The following RORA variants were observed in gnomAD, a reference collection of about 807,000 sequenced individuals.
The protein encoded by RORA is RAR related orphan receptor A.
In RORA, 7 loss-of-function variants were observed where a neutral mutation model predicts 69.5. The ratio of observed to expected loss-of-function variants is 0.10; its 90% confidence interval spans 0.06 to 0.19. RORA has a LOEUF of 0.19. RORA is among the 10% of genes least tolerant of loss of function. The probability of loss-of-function intolerance (pLI) is 1.00; values close to 1 mark genes in which losing one functional copy is unlikely to be tolerated. For synonymous variants in RORA, 261 were observed against 240.8 expected, an observed-to-expected ratio of 1.08 and a Z score of -0.78; for missense variants, 457 against 663.0, an observed-to-expected ratio of 0.69 and a Z score of 3.41.
At chr15:60,965,937 A>G (rs1435736393) in intron 1 of RORA, among the ~76,000 whole-genome samples, 1 of 152,204 alleles carries the variant, frequency 6.6e-6, no homozygotes, top group Non-Finnish European at 1.5e-5. Flanking sequence ...AGGCTACCGT[A>G]ATAGAGTATG....
chr15:60,511,896 C>T lies in RORA; in HGVS notation c.425-275G>A. ...CCAGAGAGATGCCACTTCTGTTTCCCTGCTGTCACATCCCCCGTTTCCACT... is the reference window on the plus strand; with the variant it reads ...CCAGAGAGATGCCACTTCTGTTTCCTTGCTGTCACATCCCCCGTTTCCACT... On this transcript the variant is annotated intron_variant, in intron 4 of 10. Transcript: ENST00000335670. The surrounding 1 kb of genome is among the most constrained non-coding windows in gnomAD (Gnocchi z 6.4). The T allele has an allele frequency of 2.7e-6, 1 of 373,992 alleles. No homozygotes were observed. Among genetic ancestry groups the T allele is most frequent in the Non-Finnish European group, 4.9e-6 (1 of 205,296 alleles). The allele number at this position is 373,992 out of a possible 1,614,324, so 23.2% of individuals were successfully genotyped here.
At chr15:60,769,071 C>T (rs1346928482) in intron 1 of RORA, among the ~76,000 whole-genome samples, 2 of 152,124 alleles carry the variant, frequency 1.3e-5, no homozygotes, top group Admixed American at 1.3e-4. Context: ...ACGCTAGCGA[C>T]CACATTTTAG....
At chr15:60,661,559 C>T (rs897389692) in intron 2 of RORA, among the ~76,000 whole-genome samples, 4 of 152,152 alleles carry the variant, frequency 2.6e-5, no homozygotes, top group East Asian at 1.9e-4. Context: ...ACCATGGAAA[C>T]TTTGAGACCA....
At chr15:60,925,496 G>T (rs1201172465) in intron 1 of RORA, among the ~76,000 whole-genome samples, 1 of 152,178 alleles carries the variant, frequency 6.6e-6, no homozygotes, top group East Asian at 1.9e-4. Flanking sequence ...ACAATACATT[G>T]TCTGTAGGCC....
At chr15:60,967,370 T>G (rs1893584089) in intron 1 of RORA, among the ~76,000 whole-genome samples, 1 of 152,158 alleles carries the variant, frequency 6.6e-6, no homozygotes, top group African/African-American at 2.4e-5. Flanking sequence ...ACAGAGAATT[T>G]GAATTGGGAA....
chr15:60,844,132 C>A (rs1054789585), intron 1 of RORA, among the ~76,000 whole-genome samples: 1 of 152,160 alleles, frequency 6.6e-6, no homozygotes, highest in African/African-American at 2.4e-5. Flanking sequence ...CTAGTCCCCT[C>A]ACTTGTCTTC....
In RORA at chr15:61,226,782, G is replaced by A. The variant is rs1183466184; in HGVS notation, c.166+2271C>T. On this transcript the variant is annotated intron_variant, in intron 1 of 10. Coordinates refer to ENST00000335670, the MANE Select transcript of RORA (RefSeq NM_134261.3). The surrounding 1 kb of genome is among the most constrained non-coding windows in gnomAD (Gnocchi z 4.2). Reference sequence around the variant, plus strand: ...TATATAACCTAGTGCCTGCGTGCAGGATGTGAGTTGAGTGTTTGGGCCTTA... The same window carrying A: ...TATATAACCTAGTGCCTGCGTGCAGAATGTGAGTTGAGTGTTTGGGCCTTA... Among the ~76,000 whole-genome samples, 1 of 150,756 alleles carries A rather than the reference G, an allele frequency of 6.6e-6. No individual in the cohort carries two copies. The highest frequency in any genetic ancestry group is 1.5e-5 in the Non-Finnish European group (1 of 67,680).
chr15:60,579,768 C>G (rs1849000676), intron 2 of RORA, among the ~76,000 whole-genome samples: 2 of 152,078 alleles, frequency 1.3e-5, no homozygotes. Flanking sequence ...CAAATTAATG[C>G]TCCCCTAAAG....
intron 2 of RORA, among the ~76,000 whole-genome samples, chr15:60,633,351 T>C (rs1352478619): frequency 6.6e-6 from 1 of 152,368 alleles, no homozygotes; most frequent in East Asian, 1.9e-4. Flanking sequence ...GTATATTATT[T>C]GTGTGGAAGC....
intron 1 of RORA, among the ~76,000 whole-genome samples, chr15:60,692,056 T>C (rs1056551065): frequency 6.6e-6 from 1 of 152,244 alleles, no homozygotes; most frequent in Non-Finnish European, 1.5e-5. Context: ...GATTTCAATA[T>C]GCATAGTTCT....
In RORA at chr15:60,597,578, ATATATATATATATAT is replaced by A. The variant is rs1567115365; in HGVS notation, c.197-65742_197-65728del. ...TATATATATATATATATATATACAC[ATATATATATATATAT>A]ACACATATATATATATATATATATA... On this transcript the variant is annotated intron_variant, in intron 2 of 10. Transcript: ENST00000335670. Among the ~76,000 whole-genome samples the A allele has an allele frequency of 8.5e-4, 10 of 11,732 alleles. 2 individuals carry two copies. The highest frequency in any genetic ancestry group is 9.5e-3 in the South Asian group (2 of 210). The allele number at this position is 11,732 out of a possible 152,430, so 7.7% of individuals were successfully genotyped here.
At chr15:60,979,620 T>C (rs547380576) in intron 1 of RORA, among the ~76,000 whole-genome samples, 1 of 152,302 alleles carries the variant, frequency 6.6e-6, no homozygotes, top group South Asian at 2.1e-4. Flanking sequence ...CTTAATTTCA[T>C]GTTTGGATTT....
In RORA at chr15:60,597,551, CATATATATATATATAT is replaced by C. The variant is rs1203238304; in HGVS notation, c.197-65716_197-65701del. On this transcript the variant is annotated intron_variant, in intron 2 of 10. Coordinates refer to ENST00000335670, the MANE Select transcript of RORA (RefSeq NM_134261.3). ...CACACACACACACACACACACACAA[CATATATATATATATAT>C]ATATATACACATATATATATATATA... is the stretch of plus-strand genomic sequence containing the variant. 3.2e-4 allele frequency among the ~76,000 whole-genome samples: 8 copies of C among 25,136 alleles called. 1 individual carries two copies. Among genetic ancestry groups the C allele is most frequent in the African/African-American group, 1.1e-3 (8 of 7,140 alleles). 16.5% of individuals were successfully genotyped at this position (25,136 alleles called of 152,430 possible).
At chr15:60,523,551 T>A (rs1595908682) in intron 3 of RORA, among the ~76,000 whole-genome samples, 1 of 152,362 alleles carries the variant, frequency 6.6e-6, no homozygotes, top group African/African-American at 2.4e-5. Flanking sequence ...GTGGCTGGCC[T>A]GAGCCTCATC....
At chr15:61,022,396 C>T (rs1017543734) in intron 1 of RORA, among the ~76,000 whole-genome samples, 3 of 152,172 alleles carry the variant, frequency 2.0e-5, no homozygotes, top group East Asian at 1.9e-4. Flanking sequence ...GCTAAGGTAC[C>T]GCAGGAAGAT....
intron 1 of RORA, among the ~76,000 whole-genome samples, chr15:60,821,329 C>T (rs191076417): frequency 3.3e-5 from 5 of 152,266 alleles, no homozygotes; most frequent in African/African-American, 9.6e-5. Context: ...TGTTTGGATC[C>T]GGGGCTTCTA....
intron 1 of RORA, among the ~76,000 whole-genome samples, chr15:61,023,843 ACT>A (rs1895662980): frequency 6.6e-6 from 1 of 152,278 alleles, no homozygotes; most frequent in Middle Eastern, 3.4e-3. Flanking sequence ...ACCTTATCAC[ACT>A]GTCTTCATCA....
intron 1 of RORA, among the ~76,000 whole-genome samples, chr15:61,146,123 C>T (rs1033445762): frequency 1.3e-5 from 2 of 152,106 alleles, no homozygotes; most frequent in Admixed American, 6.5e-5. Flanking sequence ...ATATTTTAAT[C>T]GTAAGTAATC....
At chr15:60,738,952 T>A (rs78507919) in intron 1 of RORA, among the ~76,000 whole-genome samples, 5,316 of 152,312 alleles carry the variant, frequency 0.035, 131 homozygotes, top group Non-Finnish European at 0.05. Context: ...GTCTTCAAAT[T>A]TCCCCCTTTT....
Sources: allele counts gnomAD v4.1 joint callset (sites outside exome capture counted in the v4.1 genomes callset), GRCh38; gene constraint gnomAD v4.1.1; non-coding constraint Gnocchi (gnomAD v3.1); transcripts MANE v1.5; gene names NCBI Gene and HGNC (gene_info 2026-07-23, HGNC 2026-07-21).